Variants in MTUS2 observed in about 807,000 individuals in gnomAD.
MTUS2 encodes the protein microtubule-associated tumor suppressor candidate 2.
MTUS2 carries 40 observed loss-of-function variants against 114.1 expected under a neutral mutation model. The ratio of observed to expected loss-of-function variants is 0.35; its 90% CI spans 0.27 to 0.46. The LOEUF is 0.46. Ranked by LOEUF, MTUS2 falls within the 20% of genes least tolerant of loss-of-function variation. The pLI, the probability that MTUS2 is intolerant of heterozygous loss-of-function variation, is 1.00. For missense variants in MTUS2, 1,679 were observed against 1,705.4 expected, an observed-to-expected ratio of 0.98 and a Z score of 0.27; for synonymous variants, 688 against 672.0, an observed-to-expected ratio of 1.02 and a Z score of -0.37.
At chr13:29,394,791 C>T (rs1323887443) in intron 8 of MTUS2, among the ~76,000 whole-genome samples, 1 of 152,182 alleles carries the variant, frequency 6.6e-6, no homozygotes, top group Non-Finnish European at 1.5e-5. Context: ...GGATCAGCAG[C>T]AGCATTCGAT....
chr13:29,146,032 T>C (rs1489695052), intron 5 of MTUS2, among the ~76,000 whole-genome samples: 1 of 152,256 alleles, frequency 6.6e-6, no homozygotes, highest in Non-Finnish European at 1.5e-5. Context: ...CTGTATTTGT[T>C]GTAAACTTTT....
chr13:29,030,972 A>G (rs1886787544), intron 3 of MTUS2, among the ~76,000 whole-genome samples: 1 of 152,126 alleles, frequency 6.6e-6, no homozygotes, highest in African/African-American at 2.4e-5. Context: ...GGTATTAAAT[A>G]TGTTTACCTA....
At chr13:28,877,568 A>C (rs1321634376) in intron 2 of MTUS2, among the ~76,000 whole-genome samples, 1 of 152,170 alleles carries the variant, frequency 6.6e-6, no homozygotes, top group African/African-American at 2.4e-5. Flanking sequence ...GGCATATGGT[A>C]GGAGCCATAA....
chr13:29,382,054 G>A lies in MTUS2; in HGVS notation c.3117+22581G>A, dbSNP rs1260876070. On this transcript the variant is annotated intron_variant, in intron 8 of 15. Transcript: ENST00000612955. ...TCTATGCCCTCACAGAGCTGGAGGT[G>A]TGTTGGAGGAATCGATCAAGTCACC... is the stretch of plus-strand genomic sequence containing the variant. 3.3e-5 allele frequency among the ~76,000 whole-genome samples: 5 copies of A among 152,184 alleles called. No individual in the cohort carries two copies. In the South Asian group the frequency reaches 8.3e-4, roughly 25 times the overall value.
At chr13:29,087,518 G>A (rs1889745470) in intron 4 of MTUS2, among the ~76,000 whole-genome samples, 1 of 152,146 alleles carries the variant, frequency 6.6e-6, no homozygotes, top group South Asian at 2.1e-4. Flanking sequence ...TTTTGTTGAA[G>A]ATTTTTGCAT....
chr13:28,833,581 CTA>C (rs1351562130), intron 1 of MTUS2, among the ~76,000 whole-genome samples: 1 of 152,070 alleles, frequency 6.6e-6, no homozygotes, highest in Non-Finnish European at 1.5e-5. Context: ...TGAAGGGAAT[CTA>C]TGAAAAACCC....
intron 7 of MTUS2, among the ~76,000 whole-genome samples, chr13:29,345,195 A>G (rs370169978): frequency 6.6e-6 from 1 of 152,228 alleles, no homozygotes; most frequent in Non-Finnish European, 1.5e-5. Flanking sequence ...GTGTTTGGCT[A>G]TCTAGATCTC....
intron 5 of MTUS2, among the ~76,000 whole-genome samples, chr13:29,223,650 A>G (rs1476048777): frequency 6.6e-6 from 1 of 152,222 alleles, no homozygotes. Flanking sequence ...ACATGGGACA[A>G]GAACTTGGGA....
At chr13:29,035,608 C>T (rs985313697) in intron 4 of MTUS2, among the ~76,000 whole-genome samples, 3 of 152,196 alleles carry the variant, frequency 2.0e-5, no homozygotes, top group Non-Finnish European at 4.4e-5. Flanking sequence ...CTGCTGAAAC[C>T]TTTCCATTTT....
intron 8 of MTUS2, among the ~76,000 whole-genome samples, chr13:29,373,363 G>A (rs1489959339): frequency 6.6e-6 from 1 of 152,206 alleles, no homozygotes; most frequent in Non-Finnish European, 1.5e-5. Context: ...GTGCAGTTGT[G>A]AAAAGTGCAT....
chr13:29,000,791 C>T (rs1213805914), intron 2 of MTUS2, among the ~76,000 whole-genome samples: 1 of 152,184 alleles, frequency 6.6e-6, no homozygotes, highest in Non-Finnish European at 1.5e-5. Flanking sequence ...TCCTAAATAG[C>T]CACAAATATT....
intron 9 of MTUS2, among the ~76,000 whole-genome samples, chr13:29,473,247 T>C (rs1880447570): frequency 6.6e-6 from 1 of 152,238 alleles, no homozygotes; most frequent in Non-Finnish European, 1.5e-5. Flanking sequence ...CACATAATAT[T>C]CTTATTTAAG....
chr13:29,204,285 T>C (rs1417178644), intron 5 of MTUS2, among the ~76,000 whole-genome samples: 3 of 152,198 alleles, frequency 2.0e-5, no homozygotes, highest in Non-Finnish European at 4.4e-5. Flanking sequence ...TATTCGGCCA[T>C]CTTGCCAGCC....
At chr13:29,303,978 A>G (rs528402052) in intron 6 of MTUS2, among the ~76,000 whole-genome samples, 5 of 152,218 alleles carry the variant, frequency 3.3e-5, no homozygotes, top group East Asian at 1.9e-4. Context: ...TTGGAGGCCA[A>G]TAGTCAACAT....
At chr13:28,960,752 T>C (rs1478302880) in intron 2 of MTUS2, among the ~76,000 whole-genome samples, 5 of 152,216 alleles carry the variant, frequency 3.3e-5, no homozygotes, top group African/African-American at 4.8e-5. Context: ...TATATTGTGA[T>C]ACAAATGTTC....
chr13:29,386,735 C>T (rs80256010), intron 8 of MTUS2, among the ~76,000 whole-genome samples: 4,268 of 152,150 alleles, frequency 0.028, 224 homozygotes, highest in African/African-American at 0.098. Context: ...GTCCAACTGC[C>T]CAGTTACTCC....
intron 8 of MTUS2, among the ~76,000 whole-genome samples, chr13:29,438,748 T>C (rs9506187): frequency 0.81 from 122,708 of 152,132 alleles, 50,159 homozygotes; most frequent in African/African-American, 0.92. Context: ...TTAAGGAAAC[T>C]ATTAGCTAAT....
chr13:29,068,395 T>A (rs1020018627), intron 4 of MTUS2, among the ~76,000 whole-genome samples: 1 of 151,552 alleles, frequency 6.6e-6, no homozygotes, highest in Non-Finnish European at 1.5e-5. Context: ...ACCCAGAGAG[T>A]CAGCTTCAGT....
chr13:29,356,261 C>G (rs1209634430), intron 7 of MTUS2, among the ~76,000 whole-genome samples: 1 of 152,178 alleles, frequency 6.6e-6, no homozygotes, highest in East Asian at 1.9e-4. Flanking sequence ...CACCACCACA[C>G]CAACACCACT....
Sources: gnomAD v4.1 joint callset for allele counts (sites outside exome capture counted in the v4.1 genomes callset) on GRCh38, gnomAD v4.1.1 for gene constraint, MANE v1.5 for transcripts, NCBI Gene and HGNC (gene_info 2026-07-23, HGNC 2026-07-21) for gene names.